Variants in PIAS1 observed in about 807,000 individuals in gnomAD.
The protein encoded by PIAS1 is protein inhibitor of activated STAT 1, also known as E3 SUMO-protein ligase PIAS1.
In PIAS1, 6 loss-of-function variants were observed where a neutral mutation model predicts 71.3. The ratio of observed to expected loss-of-function variants is 0.08; its 90% CI spans 0.05 to 0.17. The LOEUF is 0.17. Among genes scored for constraint, PIAS1 ranks in the 10% least tolerant of loss-of-function variants. The pLI is 1.00. For synonymous variants in PIAS1, 303 were observed against 292.9 expected, an observed-to-expected ratio of 1.03 and a Z score of -0.35; for missense variants, 555 against 793.6, an observed-to-expected ratio of 0.70 and a Z score of 3.61.
chr15:68,089,623 A>G (rs571939402), intron 2 of PIAS1, among the ~76,000 whole-genome samples: 2 of 146,490 alleles, frequency 1.4e-5, no homozygotes, highest in African/African-American at 5.0e-5. Context: ...GGCACAATCT[A>G]GGCTCACTGC....
At chr15:68,067,168 G>A (rs1170013194) in intron 1 of PIAS1, among the ~76,000 whole-genome samples, 1 of 152,176 alleles carries the variant, frequency 6.6e-6, no homozygotes, top group Non-Finnish European at 1.5e-5. Context: ...CTGGCCTCTT[G>A]TGTTACGAGA....
Position 68,182,487 on chromosome 15 carries a change from C to CTGTGTGTG in PIAS1, c.1624+1135_1624+1136insTGTGTGTG, listed in dbSNP as rs1324738147. Among the ~76,000 whole-genome samples the CTGTGTGTG allele has an allele frequency of 2.3e-4, 3 of 13,156 alleles. 1 individual carries two copies. The highest frequency in any genetic ancestry group is 1.8e-3 in the East Asian group (1 of 562). The allele number at this position is 13,156 out of a possible 152,430, so 8.6% of individuals were successfully genotyped here. ...CGGAGTTTTGCTCTTATTGCTCAGG[C>CTGTGTGTG]TGCGTGTGTGTGTGTGTGTGTGTGT... is the stretch of plus-strand genomic sequence containing the variant. On this transcript the variant is annotated intron_variant, in intron 12 of 13. Coordinates refer to ENST00000249636, the MANE Select transcript of PIAS1 (RefSeq NM_016166.3).
intron 2 of PIAS1, among the ~76,000 whole-genome samples, chr15:68,093,026 C>T (rs562979395): frequency 6.6e-6 from 1 of 152,280 alleles, no homozygotes; most frequent in South Asian, 2.1e-4. Context: ...TGATGTTGGT[C>T]AAGGCCTTTT....
intron 2 of PIAS1, among the ~76,000 whole-genome samples, chr15:68,095,498 G>A: frequency 6.6e-6 from 1 of 151,394 alleles, no homozygotes; most frequent in Admixed American, 6.6e-5. Context: ...ACACATAGCT[G>A]GGTGTTTGGA....
At chr15:68,063,254 A>G (rs184929402) in intron 1 of PIAS1, among the ~76,000 whole-genome samples, 2 of 152,348 alleles carry the variant, frequency 1.3e-5, no homozygotes, top group Non-Finnish European at 2.9e-5. Context: ...CTCATGGCAT[A>G]GTGCTTAAAA....
chr15:68,076,187 A>C (rs182051519), intron 1 of PIAS1, among the ~76,000 whole-genome samples: 118 of 152,134 alleles, frequency 7.8e-4, no homozygotes, highest in African/African-American at 2.8e-3. Context: ...TTTCTTGTGC[A>C]CTCTGGAAGA....
chr15:68,153,542 C>T, intron 6 of PIAS1, 48 bp from the exon 7 acceptor site: 1 of 818,440 alleles, frequency 1.2e-6, no homozygotes, highest in South Asian at 1.5e-5. Context: ...AATAGATGTA[C>T]TATTTACTTA....
Position 68,144,945 on chromosome 15 carries a change from G to A in PIAS1, c.603-871G>A, listed in dbSNP as rs551311486. 1.8e-4 allele frequency among the ~76,000 whole-genome samples: 27 copies of A among 152,192 alleles called. 1 individual carries two copies. In the East Asian group the frequency reaches 2.1e-3, roughly 12 times the overall value. On this transcript the variant is annotated intron_variant, in intron 4 of 13. Transcript: ENST00000249636. ...GTTGAGAGGAGTTGTTGGCACATGA[G>A]GAATATTTCACAGATTTCGGAGATA...
In PIAS1 at chr15:68,054,399, G is replaced by A; in HGVS notation, c.24+49G>A. 6.5e-7 allele frequency: 1 copy of A among 1,542,654 alleles called. No homozygotes were observed. Among genetic ancestry groups the A allele is most frequent in the Non-Finnish European group, 8.8e-7 (1 of 1,139,846 alleles). On this transcript the variant is annotated intron_variant, in intron 1 of 13. Transcript: ENST00000249636. This position sits in a 1 kb window ranked among gnomAD's most constrained non-coding sequence, Gnocchi z 4.6. The stretch of plus-strand genomic sequence containing the variant: ...TCTAATATTCGGCCGCGGAGACGGC[G>A]CCGCTGCTGCCAGGGGGGATGGGTC...
At chr15:68,070,572 A>G (rs537104426) in intron 1 of PIAS1, among the ~76,000 whole-genome samples, 7 of 152,316 alleles carry the variant, frequency 4.6e-5, no homozygotes, top group African/African-American at 9.6e-5. Context: ...GTCCAGTACT[A>G]TGGCCACTAG....
intron 6 of PIAS1, among the ~76,000 whole-genome samples, chr15:68,147,511 TTA>T (rs1221184639): frequency 3.3e-5 from 5 of 152,132 alleles, no homozygotes; most frequent in African/African-American, 4.8e-5. Context: ...CCTTTTATTT[TTA>T]TGTTATTTAA....
At chr15:68,153,766 A>G (rs2092866471) in intron 7 of PIAS1, 71 bp downstream of exon 7, 1 of 787,956 alleles carries the variant, frequency 1.3e-6, no homozygotes. Context: ...TTCTCAACTC[A>G]AGAAATTTTA....
In PIAS1 at chr15:68,068,198, A is replaced by C. The variant is rs200734776; in HGVS notation, c.24+13848A>C. On this transcript the variant is annotated intron_variant, in intron 1 of 13. Transcript: ENST00000249636. ...GACCAGCCTGGGCGATATGACAAAA[A>C]CCTGTGTCTACAAAAAAATACAAAA... Among the ~76,000 whole-genome samples, 12 of 152,068 alleles carry C rather than the reference A, an allele frequency of 7.9e-5. No homozygotes were observed. The East Asian group carries it at 2.3e-3, about 29-fold the overall frequency.
chr15:68,185,894 G>A lies in PIAS1; in HGVS notation c.1663-1648G>A, dbSNP rs143294404. The stretch of plus-strand genomic sequence containing the variant: ...GAAGAATCACTTGAACCTGGGAGGC[G>A]GAGGTTGCAGTGAGCCGAGATTGCG... On this transcript the variant is annotated intron_variant, in intron 13 of 13. Coordinates refer to ENST00000249636, the MANE Select transcript of PIAS1 (RefSeq NM_016166.3). The surrounding 1 kb of genome is among the most constrained non-coding windows in gnomAD (Gnocchi z 4.4). 6.1e-3 allele frequency among the ~76,000 whole-genome samples: 933 copies of A among 152,088 alleles called. 3 individuals are homozygous for A. Among genetic ancestry groups the A allele is most frequent in the East Asian group, 0.033 (170 of 5,172 alleles).
In PIAS1 at chr15:68,167,044, C is replaced by T. The variant is rs1311585119; in HGVS notation, c.1008+2240C>T. 6.6e-6 allele frequency among the ~76,000 whole-genome samples: 1 copy of T among 152,126 alleles called. No individual in the cohort carries two copies. Among genetic ancestry groups the T allele is most frequent in the South Asian group, 2.1e-4 (1 of 4,816 alleles). ...GTCTTGATATGTTGCCCAGGCTGGT[C>T]ATGGACTCCTGGCCTCAAGCAATCC... On this transcript the variant is annotated intron_variant, in intron 8 of 13. Transcript: ENST00000249636. The surrounding 1 kb of genome is among the most constrained non-coding windows in gnomAD (Gnocchi z 4.4).
intron 9 of PIAS1, among the ~76,000 whole-genome samples, chr15:68,175,426 TCTCA>T (rs2093015167): frequency 6.6e-6 from 1 of 152,208 alleles, no homozygotes; most frequent in African/African-American, 2.4e-5. Flanking sequence ...GTTGACGTTT[TCTCA>T]CTTTTTGTGA....
chr15:68,166,037 T>C (rs2092955688), intron 8 of PIAS1, among the ~76,000 whole-genome samples: 1 of 152,152 alleles, frequency 6.6e-6, no homozygotes, highest in South Asian at 2.1e-4. Context: ...TATTAGTCTT[T>C]TGTAATTTAT....
chr15:68,156,229 T>TTC (rs1321495549), intron 7 of PIAS1, among the ~76,000 whole-genome samples: 5 of 152,206 alleles, frequency 3.3e-5, no homozygotes, highest in Admixed American at 1.3e-4. Flanking sequence ...ATTAATGAGT[T>TTC]AAAGTTTTGA....
chr15:68,187,613 T>G lies in PIAS1; in HGVS notation c.1734T>G (p.Ser578=). 1 of 1,614,022 alleles carries G rather than the reference T, an allele frequency of 6.2e-7. No homozygotes were observed. The part of the protein sequence containing the change: ...VSDDQDLLHS[S]RFFPYTSSQM... ...ATGATCAAGACCTCCTACACTCGTC[T>G]CGGTTTTTCCCGTATACCTCCTCAC... The change falls in exon 14 of 14, where the codon TCT becomes TCG. Residue 578 remains serine (S), a synonymous_variant. Coordinates refer to ENST00000249636, the MANE Select transcript of PIAS1 (RefSeq NM_016166.3). This position sits in a 1 kb window ranked among gnomAD's most constrained non-coding sequence, Gnocchi z 5.3.
Sources: allele counts gnomAD v4.1 joint callset (sites outside exome capture counted in the v4.1 genomes callset), GRCh38; gene constraint gnomAD v4.1.1; non-coding constraint Gnocchi (gnomAD v3.1); transcripts MANE v1.5; gene names NCBI Gene and HGNC (gene_info 2026-07-23, HGNC 2026-07-21).